The following TEX36 variants were observed in gnomAD, a reference collection of about 807,000 sequenced individuals.
TEX36 encodes testis expressed 36, also known as testis-expressed protein 36.
A neutral mutation model predicts 13.6 loss-of-function variants in TEX36; 12 were observed. That is an observed-to-expected ratio of 0.88 (90% CI 0.56 to 1.43). The LOEUF (loss-of-function observed/expected upper bound fraction) is 1.43, where lower values mean the gene tolerates loss of function less well. Ranked by LOEUF, TEX36 falls within the 40% of genes most tolerant of loss-of-function variation. The probability of loss-of-function intolerance (pLI) is 0.00; values close to 1 mark genes in which losing one functional copy is unlikely to be tolerated. For missense variants in TEX36, 224 were observed against 228.3 expected (o/e 0.98, Z 0.12); for synonymous variants, 93 against 83.0 (o/e 1.12, Z -0.65).
chr10:125,658,246 A>G (rs957170289), intron 3 of TEX36, among the ~76,000 whole-genome samples: 1 of 152,156 alleles, frequency 6.6e-6, no homozygotes, highest in African/African-American at 2.4e-5. Context: ...AAACATTAGC[A>G]AAAAGAGAGT....
chr10:125,617,647 C>G (rs1225123312), downstream of TEX36, among the ~76,000 whole-genome samples: 1 of 152,150 alleles, frequency 6.6e-6, no homozygotes, highest in Non-Finnish European at 1.5e-5. Context: ...AGTTTCTGCC[C>G]AGAGATCTGC....
Position 125,599,944 on chromosome 10 carries a change from A to G in TEX36, c.265-23070T>C, listed in dbSNP as rs148075922. Among the ~76,000 whole-genome samples, 151 of 152,226 alleles carry G rather than the reference A, an allele frequency of 9.9e-4. 2 individuals carry two copies. In the East Asian group the frequency reaches 0.011, roughly 11 times the overall value. ...CCAATCCCAGGCTCAGCCCTGCTCT[A>G]GACTTCGGGATCCATGCTGTCCTGA... is the stretch of plus-strand genomic sequence containing the variant. On this transcript the variant is annotated intron_variant, in intron 3 of 3. Transcript: ENST00000532135.
Position 125,660,862 on chromosome 10 carries a change from A to AT in TEX36, c.264+158dup, listed in dbSNP as rs137862839. Among the ~76,000 whole-genome samples the AT allele has an allele frequency of 2.6e-3, 387 of 149,618 alleles. 5 individuals carry two copies. The highest frequency in any genetic ancestry group is 0.021 in the Middle Eastern group (6 of 292). ...GCGTGGAATTCTGAGAGCTTTGAAC[A>AT]TTTTTTTTTTAATCTGTTATGAGTC... is the stretch of plus-strand genomic sequence containing the variant. On this transcript the variant is annotated intron_variant, in intron 3 of 3. Transcript: ENST00000368821.
In TEX36 at chr10:125,682,729, T is replaced by C. The variant is rs565330740; in HGVS notation, c.51+210A>G. Among the ~76,000 whole-genome samples the C allele has an allele frequency of 1.6e-3, 249 of 152,398 alleles. 2 individuals are homozygous for C. Among genetic ancestry groups the C allele is most frequent in the African/African-American group, 5.7e-3 (236 of 41,598 alleles). On this transcript the variant is annotated intron_variant, in intron 1 of 3. Transcript: ENST00000368821. ...GGACATTCACGAGGTTCCAGTGTGC[T>C]GAGCATTTTACATGCATTATTTCAT...
At chr10:125,613,392 C>G (rs919533283) in intron 3 of TEX36, among the ~76,000 whole-genome samples, 1 of 149,736 alleles carries the variant, frequency 6.7e-6, no homozygotes, top group Non-Finnish European at 1.5e-5. Context: ...AACTCGTCAT[C>G]TAGCATTAGG....
chr10:125,576,988 A>G, intron 3 of TEX36: 1 of 1,360,324 alleles, frequency 7.4e-7, no homozygotes, highest in Non-Finnish European at 1.0e-6. Flanking sequence ...CTTTAAAAAC[A>G]CCCCAGAGAA....
At chr10:125,597,932 GTTA>G (rs1846101621) in intron 3 of TEX36, among the ~76,000 whole-genome samples, 1 of 152,238 alleles carries the variant, frequency 6.6e-6, no homozygotes, top group Admixed American at 6.5e-5. Context: ...TATTGTTGAA[GTTA>G]TTATTTCCTT....
chr10:125,586,698 T>G (rs1443128001), intron 3 of TEX36, among the ~76,000 whole-genome samples: 5 of 148,956 alleles, frequency 3.4e-5, no homozygotes, highest in Non-Finnish European at 7.4e-5. Flanking sequence ...TCCCAGCTAC[T>G]CAGGAGGCTG....
At chr10:125,603,860 A>G (rs117574927) in intron 3 of TEX36, among the ~76,000 whole-genome samples, 1,609 of 152,204 alleles carry the variant, frequency 0.011, 10 homozygotes, top group Middle Eastern at 0.027. Context: ...CCATGTCACC[A>G]AGCAAAGAGG....
downstream of TEX36, among the ~76,000 whole-genome samples, chr10:125,619,053 C>T (rs750859677): frequency 2.6e-5 from 4 of 151,016 alleles, no homozygotes; most frequent in Non-Finnish European, 5.9e-5. Flanking sequence ...TGGCATGAAC[C>T]CGGGAGGTGG....
chr10:125,616,341 T>G (rs1265351648), intron 3 of TEX36, among the ~76,000 whole-genome samples: 1 of 148,774 alleles, frequency 6.7e-6, no homozygotes, highest in Non-Finnish European at 1.5e-5. Context: ...TGAATGTGTT[T>G]GCTCTTGCTT....
chr10:125,581,404 G>A (rs1045192312), intron 3 of TEX36, among the ~76,000 whole-genome samples: 5 of 152,108 alleles, frequency 3.3e-5, no homozygotes, highest in Non-Finnish European at 7.4e-5. Context: ...CCTCCCAGGC[G>A]CATCCTCCTG....
In TEX36 at chr10:125,661,799, G is replaced by C. The variant is rs556911081; in HGVS notation, c.183+47C>G. 5.2e-6 allele frequency: 8 copies of C among 1,547,666 alleles called. No individual in the cohort carries two copies. In the African/African-American group the frequency reaches 8.2e-5, roughly 16 times the overall value. On this transcript the variant is annotated intron_variant, in intron 2 of 3. Coordinates refer to ENST00000368821, the MANE Select transcript of TEX36 (RefSeq NM_001128202.3). ...CAACGTGCCAGCGGCGCTGCCCCCT[G>C]GGAGGTCCACAGGAGCACATGGCAG...
At chr10:125,609,984 G>T (rs1846270411) in intron 3 of TEX36, among the ~76,000 whole-genome samples, 1 of 152,168 alleles carries the variant, frequency 6.6e-6, no homozygotes, top group South Asian at 2.1e-4. Context: ...GCAACCCCTG[G>T]TTGCCTTACT....
Position 125,612,274 on chromosome 10 carries a change from G to A in TEX36, c.265-35400C>T, listed in dbSNP as rs181425395. ...AATTTTTGTATTTTTAGTAGAGATA[G>A]GATTTCACCGTATTGGTCAGGCTGG... On this transcript the variant is annotated intron_variant, in intron 3 of 3. Transcript: ENST00000532135. Among the ~76,000 whole-genome samples the A allele has an allele frequency of 1.1e-4, 15 of 139,324 alleles. 1 individual carries two copies. The Admixed American group carries it at 1.1e-3, about 10-fold the overall frequency. 91.4% of individuals were successfully genotyped at this position (139,324 alleles called of 152,430 possible).
intron 1 of TEX36, chr10:125,667,759 C>T: frequency 1.2e-6 from 1 of 841,430 alleles, no homozygotes. Flanking sequence ...CGTCAGCTGT[C>T]AGCAGCAGCT....
chr10:125,667,960 G>C, intron 1 of TEX36: 2 of 952,930 alleles, frequency 2.1e-6, no homozygotes, highest in Non-Finnish European at 3.4e-6. Context: ...TGGTGCTGGT[G>C]GTGGCAAGTT....
Position 125,605,495 on chromosome 10 carries a change from A to G in TEX36, c.265-28621T>C, listed in dbSNP as rs182935516. 6.4e-4 allele frequency among the ~76,000 whole-genome samples: 98 copies of G among 152,032 alleles called. 1 individual carries two copies. Among genetic ancestry groups the G allele is most frequent in the Middle Eastern group, 3.4e-3 (1 of 294 alleles). On this transcript the variant is annotated intron_variant, in intron 3 of 3. Transcript: ENST00000532135. Reference sequence around the variant, plus strand: ...AGTTAATCTCCATACACAGCATAGCACAGCAATGTGGTAAGTGCTTTAGAA... The same window carrying G: ...AGTTAATCTCCATACACAGCATAGCGCAGCAATGTGGTAAGTGCTTTAGAA...
At chr10:125,592,997 G>T (rs772293065) in intron 3 of TEX36, among the ~76,000 whole-genome samples, 4 of 152,170 alleles carry the variant, frequency 2.6e-5, no homozygotes, top group Non-Finnish European at 5.9e-5. Context: ...TCCAAACCCT[G>T]CCCGTTTGGG....
Sources: allele counts gnomAD v4.1 joint callset (sites outside exome capture counted in the v4.1 genomes callset), GRCh38; gene constraint gnomAD v4.1.1; transcripts MANE v1.5; gene names NCBI Gene and HGNC (gene_info 2026-07-23, HGNC 2026-07-21).